Variants in ZNF618 observed in about 807,000 individuals in gnomAD.
ZNF618 encodes neural precursor cell expressed, developmentally down-regulated 10.
A neutral mutation model predicts 103.0 loss-of-function variants in ZNF618; 34 were observed. The observed-to-expected ratio is 0.33, with a 90% CI of 0.25 to 0.44. The LOEUF is 0.44. ZNF618 is among the 20% of genes least tolerant of loss of function. ZNF618 has a pLI of 1.00. For missense variants in ZNF618, 1,059 were observed against 1,295.4 expected, an observed-to-expected ratio of 0.82 and a Z score of 2.80; for synonymous variants, 551 against 542.2, an observed-to-expected ratio of 1.02 and a Z score of -0.23.
At chr9:113,953,853 G>T (rs2132395789) in intron 1 of ZNF618, among the ~76,000 whole-genome samples, 1 of 152,004 alleles carries the variant, frequency 6.6e-6, no homozygotes, top group Non-Finnish European at 1.5e-5. Context: ...TGGATGTCCA[G>T]CTGTGAAGAC....
At chr9:113,962,604 A>G (rs879430348) in intron 1 of ZNF618, among the ~76,000 whole-genome samples, 3 of 152,142 alleles carry the variant, frequency 2.0e-5, no homozygotes, top group Admixed American at 6.5e-5. Flanking sequence ...CTGTTTGCCA[A>G]GCACACCAGG....
rs530099065 is a variant in ZNF618, at chr9:113,985,504, C to T, written c.78-2817C>T. Among the ~76,000 whole-genome samples the T allele has an allele frequency of 3.9e-5, 6 of 152,342 alleles. No individual in the cohort carries two copies. The East Asian group carries it at 5.8e-4, about 15-fold the overall frequency. ...TGCCTTGTGGTGTCCTGCAGCTAGG[C>T]GGGCCCGTGCTCCCCTCTGGGGGGC... On this transcript the variant is annotated intron_variant, in intron 2 of 14. Transcript: ENST00000374126.
chr9:113,980,028 G>T (rs2133100602), intron 2 of ZNF618, among the ~76,000 whole-genome samples: 1 of 152,226 alleles, frequency 6.6e-6, no homozygotes, highest in Admixed American at 6.5e-5. Flanking sequence ...GGTAAGGAAT[G>T]GTTGGATTCT....
At chr9:113,910,924 A>G (rs1564159836) in intron 1 of ZNF618, among the ~76,000 whole-genome samples, 3 of 151,490 alleles carry the variant, frequency 2.0e-5, no homozygotes, top group Admixed American at 1.3e-4. Context: ...TCTGCCTCCC[A>G]GGTCCAAGTG....
intron 2 of ZNF618, among the ~76,000 whole-genome samples, chr9:113,976,423 A>G (rs1384516794): frequency 6.6e-6 from 1 of 152,210 alleles, no homozygotes; most frequent in African/African-American, 2.4e-5. Context: ...GCCTTTAATA[A>G]CAGAGGCCCT....
At chr9:113,938,381 A>G (rs986658588) in intron 1 of ZNF618, among the ~76,000 whole-genome samples, 8 of 150,982 alleles carry the variant, frequency 5.3e-5, no homozygotes, top group African/African-American at 1.9e-4. Context: ...GAGTCTTACT[A>G]TGTTGCCTGG....
rs1243496618 is a variant in ZNF618 at position 114,049,063 on chromosome 9, C to T, written c.1761C>T (p.Asp587=). The change falls in exon 15 of 15, where the codon GAC becomes GAT. Residue 587 remains aspartate, a synonymous_variant. Transcript: ENST00000374126. ...ATGTGCTTGGTGTGAAGGGTGCGGA[C>T]ATTCGCGACAGCGGTGACCTTGTGC... ...KSYVLGVKGA[D]IRDSGDLVHH... The T allele has an allele frequency of 2.5e-6, 4 of 1,613,794 alleles. No individual in the cohort carries two copies. Among genetic ancestry groups the T allele is most frequent in the East Asian group, 4.5e-5 (2 of 44,892 alleles).
intron 1 of ZNF618, among the ~76,000 whole-genome samples, chr9:113,957,646 A>G (rs955934807): frequency 9.9e-5 from 15 of 152,186 alleles, no homozygotes; most frequent in African/African-American, 3.4e-4. Flanking sequence ...TCGGTTCACT[A>G]GAAGAGATTT....
At chr9:114,021,455 T>C (rs60351204) in intron 10 of ZNF618, among the ~76,000 whole-genome samples, 2,765 of 152,164 alleles carry the variant, frequency 0.018, 85 homozygotes, top group African/African-American at 0.056. Context: ...CAAAACTGTC[T>C]CCTCAAGGGC....
chr9:114,020,735 TC>T (rs1843002964), intron 10 of ZNF618, among the ~76,000 whole-genome samples: 1 of 152,112 alleles, frequency 6.6e-6, no homozygotes, highest in Admixed American at 6.5e-5. Context: ...ATTGATGTCA[TC>T]CACAAATAAA....
intron 1 of ZNF618, among the ~76,000 whole-genome samples, chr9:113,904,010 CTT>C (rs35812879): frequency 1.4e-5 from 2 of 139,662 alleles, no homozygotes; most frequent in African/African-American, 5.2e-5. Context: ...TTCACCCCTC[CTT>C]TTTTTTTTTT....
At chr9:113,959,486 G>A (rs917364260) in intron 1 of ZNF618, among the ~76,000 whole-genome samples, 14 of 152,240 alleles carry the variant, frequency 9.2e-5, no homozygotes, top group African/African-American at 3.4e-4. Flanking sequence ...CCCAGCCGTG[G>A]TGGCACCTGG....
At chr9:114,017,473 C>T (rs1477295384) in intron 10 of ZNF618, among the ~76,000 whole-genome samples, 1 of 152,198 alleles carries the variant, frequency 6.6e-6, no homozygotes. Flanking sequence ...TTCCCAGCTC[C>T]TTTTCTGGAT....
At chr9:113,888,949 A>T (rs994645175) in intron 1 of ZNF618, among the ~76,000 whole-genome samples, 22 of 152,292 alleles carry the variant, frequency 1.4e-4, no homozygotes, top group Non-Finnish European at 2.8e-4. Context: ...GTAAGGTCTG[A>T]TTTAAGTGCA....
intron 1 of ZNF618, among the ~76,000 whole-genome samples, chr9:113,890,671 T>G (rs1829538076): frequency 6.6e-6 from 1 of 152,244 alleles, no homozygotes; most frequent in Admixed American, 6.5e-5. Flanking sequence ...ATTCTACATG[T>G]AGACAGAACT....
At chr9:114,017,535 A>G (rs1285213857) in intron 10 of ZNF618, among the ~76,000 whole-genome samples, 1 of 152,190 alleles carries the variant, frequency 6.6e-6, no homozygotes, top group Non-Finnish European at 1.5e-5. Context: ...TAGGGGGCCC[A>G]TCAGCCTCCC....
At chr9:113,964,643 A>G (rs1005856080) in intron 1 of ZNF618, among the ~76,000 whole-genome samples, 10 of 151,916 alleles carry the variant, frequency 6.6e-5, no homozygotes, top group East Asian at 1.9e-4. Context: ...CTTGGGTTCT[A>G]TCCATCCAGG....
chr9:113,918,708 G>A (rs1427660837), intron 1 of ZNF618, among the ~76,000 whole-genome samples: 4 of 151,946 alleles, frequency 2.6e-5, no homozygotes, highest in Admixed American at 6.6e-5. Flanking sequence ...GCCCCTTCAC[G>A]CAAGCTCCTC....
At position 114,053,864 on chromosome 9, in the gene ZNF618, C is replaced by T. The variant is rs1588476323; in HGVS notation, c.*3697C>T. 1 of 152,274 alleles carries T rather than the reference C, an allele frequency of 6.6e-6. No homozygotes were observed. Among genetic ancestry groups the T allele is most frequent in the South Asian group, 2.1e-4 (1 of 4,830 alleles). 9.4% of individuals were successfully genotyped at this position (152,274 alleles called of 1,614,324 possible). Reference sequence around the variant, plus strand: ...AGGTTCGCTGCACAGAGGCCACCTGCCGCATCACCAGTGAGGAAGCTTTGC... The same window carrying T: ...AGGTTCGCTGCACAGAGGCCACCTGTCGCATCACCAGTGAGGAAGCTTTGC... On this transcript the variant is annotated 3_prime_UTR_variant, in exon 15 of 15. Transcript: ENST00000374126.
Sources: allele counts gnomAD v4.1 joint callset (sites outside exome capture counted in the v4.1 genomes callset), GRCh38; gene constraint gnomAD v4.1.1; transcripts MANE v1.5; gene names NCBI Gene and HGNC (gene_info 2026-07-23, HGNC 2026-07-21).